SYNJ2BP: variants seen among roughly 807,000 people sequenced by gnomAD.
SYNJ2BP encodes synaptojanin-2-binding protein.
Under a neutral mutation model 16.9 loss-of-function variants are expected in SYNJ2BP, and 10 were observed. The observed-to-expected ratio is 0.59, with a 90% CI of 0.36 to 1.00. The LOEUF is 1.00. SYNJ2BP is among the 50% of genes least tolerant of loss of function. The pLI is 0.01. For missense variants in SYNJ2BP, 162 were observed against 186.7 expected (o/e 0.87, Z 0.77); for synonymous variants, 54 against 68.4 (o/e 0.79, Z 1.04).
intron 2 of SYNJ2BP, among the ~76,000 whole-genome samples, chr14:70,383,163 A>C (rs1887788563): frequency 6.6e-6 from 1 of 152,192 alleles, no homozygotes; most frequent in Non-Finnish European, 1.5e-5. Flanking sequence ...AACTTATTAG[A>C]TGCTTACTCA....
chr14:70,404,182 A>AG (rs1888299949), intron 1 of SYNJ2BP, among the ~76,000 whole-genome samples: 1 of 151,852 alleles, frequency 6.6e-6, no homozygotes, highest in East Asian at 1.9e-4. Context: ...AATTAAAAAA[A>AG]AAAATTAGCA....
Position 70,373,005 on chromosome 14 carries a change from G to A in SYNJ2BP, c.424C>T (p.Arg142Trp), listed in dbSNP as rs369169483. The A allele has an allele frequency of 2.0e-4, 324 of 1,613,896 alleles. 1 individual carries two copies. Among genetic ancestry groups the A allele is most frequent in the Non-Finnish European group, 1.0e-4 (118 of 1,180,002 alleles). The change falls in exon 4 of 4, where the codon CGG (arginine) becomes TGG (tryptophan). Residue 142 changes from arginine to tryptophan, a missense_variant. Coordinates refer to ENST00000256366, the MANE Select transcript of SYNJ2BP (RefSeq NM_018373.3). ...GAGCAAGTTTTTCAAAGTTGTTGCC[G>A]GTATCTCATGAAAGCCCAGGCTGCT... ...MVAAWAFMRY[R>W]QQL
At chr14:70,383,426 G>A (rs1887793619) in intron 2 of SYNJ2BP, among the ~76,000 whole-genome samples, 1 of 152,174 alleles carries the variant, frequency 6.6e-6, no homozygotes, top group African/African-American at 2.4e-5. Context: ...GTTGATAAAT[G>A]TTGATGACTA....
intron 1 of SYNJ2BP, among the ~76,000 whole-genome samples, chr14:70,404,253 G>T (rs1455937704): frequency 1.3e-5 from 2 of 152,182 alleles, no homozygotes; most frequent in East Asian, 3.9e-4. Context: ...CTCTACTCCA[G>T]CCTAGGTGAC....
At chr14:70,394,517 TGCC>T (rs1002057016) in intron 1 of SYNJ2BP, among the ~76,000 whole-genome samples, 2 of 151,596 alleles carry the variant, frequency 1.3e-5, no homozygotes, top group Admixed American at 1.3e-4. Context: ...GGTTATAATG[TGCC>T]AACAAATTTT....
At chr14:70,409,026 G>A (rs1005935102) in intron 1 of SYNJ2BP, among the ~76,000 whole-genome samples, 8 of 152,116 alleles carry the variant, frequency 5.3e-5, no homozygotes, top group Non-Finnish European at 1.2e-4. Context: ...AGCCTCCCAA[G>A]TAGCTAGGAC....
rs536266682 is a variant in SYNJ2BP, at chr14:70,398,539, C to A, written c.65-9933G>T. Among the ~76,000 whole-genome samples the A allele has an allele frequency of 4.8e-4, 73 of 152,148 alleles. 1 individual carries two copies. Among genetic ancestry groups the A allele is most frequent in the Non-Finnish European group, 1.8e-4 (12 of 68,020 alleles). ...TGCCCTAAGTGTGTACACACTGGGC[C>A]GGGCTTTGACAGCACTCAGATTGGC... On this transcript the variant is annotated intron_variant, in intron 1 of 3. Transcript: ENST00000256366.
intron 1 of SYNJ2BP, among the ~76,000 whole-genome samples, chr14:70,395,037 G>A (rs1350595991): frequency 6.6e-6 from 1 of 152,182 alleles, no homozygotes; most frequent in East Asian, 1.9e-4. Flanking sequence ...AGTCTTCTAA[G>A]CATTGCTGGC....
intron 1 of SYNJ2BP, among the ~76,000 whole-genome samples, chr14:70,391,874 T>C (rs556431386): frequency 5.2e-4 from 79 of 152,324 alleles, no homozygotes; most frequent in African/African-American, 1.8e-3. Context: ...CTATTTAACA[T>C]GAGAACTCCT....
intron 1 of SYNJ2BP, among the ~76,000 whole-genome samples, chr14:70,410,343 G>T (rs1888444036): frequency 6.6e-6 from 1 of 152,200 alleles, no homozygotes; most frequent in Admixed American, 6.5e-5. Flanking sequence ...AGGATCACTT[G>T]TACTCAGGAG....
At chr14:70,375,490 G>A (rs1341929137) in intron 3 of SYNJ2BP, among the ~76,000 whole-genome samples, 186 bp downstream of exon 3, 2 of 152,172 alleles carry the variant, frequency 1.3e-5, no homozygotes, top group African/African-American at 2.4e-5. Flanking sequence ...GTGAGCCACC[G>A]TGCCTGGCCT....
In SYNJ2BP at chr14:70,373,087, G is replaced by A. The variant is rs548275339; in HGVS notation, c.342C>T (p.Asp114=). Reference sequence around the variant, plus strand: ...CCATAAATATGGGAATACCACTTGGGTCCCCTTCACCTCGATGTCCTATAG... The same window carrying A: ...CCATAAATATGGGAATACCACTTGGATCCCCTTCACCTCGATGTCCTATAG... ...NGPIGHRGEG[D]PSGIPIFMVL... The change falls in exon 4 of 4, where the codon GAC becomes GAT. Residue 114 remains aspartate, a synonymous_variant. Transcript: ENST00000256366. 5.0e-6 allele frequency: 8 copies of A among 1,614,120 alleles called. No homozygotes were observed. The highest frequency in any genetic ancestry group is 1.3e-5 in the African/African-American group (1 of 75,026).
At chr14:70,412,792 T>C (rs977855190) in intron 1 of SYNJ2BP, among the ~76,000 whole-genome samples, 6 of 152,088 alleles carry the variant, frequency 3.9e-5, no homozygotes, top group Admixed American at 2.0e-4. Context: ...CTGAAACCCA[T>C]TGAGGACTCG....
intron 1 of SYNJ2BP, among the ~76,000 whole-genome samples, chr14:70,398,163 G>A (rs1594954460): frequency 6.6e-6 from 1 of 152,262 alleles, no homozygotes; most frequent in South Asian, 2.1e-4. Context: ...CTGAACCTGG[G>A]GCATTTATGG....
chr14:70,388,966 G>T (rs568433417), intron 1 of SYNJ2BP, among the ~76,000 whole-genome samples: 2 of 148,446 alleles, frequency 1.3e-5, no homozygotes, highest in South Asian at 4.3e-4. Flanking sequence ...TGGGCATAGT[G>T]GTGGGCGCCT....
chr14:70,387,516 G>A (rs181095596), intron 2 of SYNJ2BP, among the ~76,000 whole-genome samples: 82 of 152,178 alleles, frequency 5.4e-4, no homozygotes, highest in African/African-American at 1.9e-3. Context: ...ATTAAGCACT[G>A]TGCTATGATT....
chr14:70,416,854 C>T, intron 1 of SYNJ2BP, 46 bp downstream of exon 1: 1 of 1,612,834 alleles, frequency 6.2e-7, no homozygotes, highest in Non-Finnish European at 8.5e-7. Context: ...TCTGCAATTA[C>T]ACCCTCTAAT....
intron 2 of SYNJ2BP, among the ~76,000 whole-genome samples, chr14:70,382,586 T>G (rs1887776386): frequency 6.6e-6 from 1 of 152,202 alleles, no homozygotes; most frequent in Non-Finnish European, 1.5e-5. Flanking sequence ...TGCTGGTCCT[T>G]GAACCTCACT....
Position 70,397,257 on chromosome 14 carries a change from A to G in SYNJ2BP, c.65-8651T>C, listed in dbSNP as rs190519950. On this transcript the variant is annotated intron_variant, in intron 1 of 3. Transcript: ENST00000256366. The stretch of plus-strand genomic sequence containing the variant: ...ATGTGTACTCTGCTGTTATTTGATG[A>G]TGTGTTCTATATATATATATACGCC... 2.2e-3 allele frequency among the ~76,000 whole-genome samples: 333 copies of G among 148,594 alleles called. 3 individuals carry two copies. Among genetic ancestry groups the G allele is most frequent in the African/African-American group, 7.9e-3 (324 of 40,878 alleles).
Sources: allele counts gnomAD v4.1 joint callset (sites outside exome capture counted in the v4.1 genomes callset), GRCh38; gene constraint gnomAD v4.1.1; transcripts MANE v1.5; gene names NCBI Gene and HGNC (gene_info 2026-07-23, HGNC 2026-07-21).